The following FAT2 variants were observed in gnomAD, a reference collection of about 807,000 sequenced individuals.
The protein encoded by FAT2 is protocadherin Fat 2.
FAT2 carries 150 observed loss-of-function variants against 295.3 expected under a neutral mutation model. The ratio of observed to expected loss-of-function variants is 0.51; its 90% CI spans 0.44 to 0.58. The LOEUF is 0.58. Among genes scored for constraint, FAT2 ranks in the 20% least tolerant of loss-of-function variants. The probability of loss-of-function intolerance (pLI) is 0.00; values close to 1 mark genes in which losing one functional copy is unlikely to be tolerated. For missense variants in FAT2, 4,868 were observed against 5,442.7 expected, an observed-to-expected ratio of 0.89 and a Z score of 3.32; for synonymous variants, 2,026 against 2,150.3, an observed-to-expected ratio of 0.94 and a Z score of 1.60.
At chr5:151,529,156 G>T (rs750284541) in intron 15 of FAT2, 22 bp downstream of exon 15, 1 of 1,609,736 alleles carries the variant, frequency 6.2e-7, no homozygotes, top group Non-Finnish European at 8.5e-7. Flanking sequence ...GTCCCACAAA[G>T]AGCAAGGTGG....
chr5:151,557,963 C>T (rs1327719502), intron 3 of FAT2, among the ~76,000 whole-genome samples: 2 of 152,166 alleles, frequency 1.3e-5, no homozygotes, highest in Admixed American at 1.3e-4. Context: ...CCCACTAATC[C>T]CCTCTGTGCC....
intron 3 of FAT2, among the ~76,000 whole-genome samples, chr5:151,557,896 T>G (rs1757839665): frequency 6.6e-6 from 1 of 152,182 alleles, no homozygotes; most frequent in African/African-American, 2.4e-5. Context: ...AGCCTCTCCC[T>G]TCCCCTCCTA....
chr5:151,538,643 C>T (rs1581378838), intron 11 of FAT2, among the ~76,000 whole-genome samples: 1 of 152,162 alleles, frequency 6.6e-6, no homozygotes, highest in Non-Finnish European at 1.5e-5. Flanking sequence ...CAAGCATGGA[C>T]CCCTACATGC....
Position 151,568,336 on chromosome 5 carries a change from G to A in FAT2, c.596C>T (p.Thr199Ile), listed in dbSNP as rs2127649844. The change falls in exon 2 of 24, where the codon ACC (threonine) becomes ATC (isoleucine). Residue 199 changes from threonine to isoleucine, a missense_variant. Thr to Ile is a moderately conservative substitution (Grantham distance 89). Around this residue, in one of 5 missense-constraint regions of FAT2, gnomAD observed 3,297 missense variants for 3,669.4 expected, o/e 0.90. Coordinates refer to ENST00000261800, the MANE Select transcript of FAT2 (RefSeq NM_001447.3). ...TRSEMFAIHPTSGVVTVAGKL... is the reference protein window; with the variant it reads ...TRSEMFAIHPISGVVTVAGKL... ...CCCAGCCACAGTGACCACACCGCTG[G>A]TGGGATGGATGGCAAACATCTCTGA... 4 of 1,614,134 alleles carry A rather than the reference G, an allele frequency of 2.5e-6. No individual in the cohort carries two copies. Among genetic ancestry groups the A allele is most frequent in the Non-Finnish European group, 3.4e-6 (4 of 1,180,012 alleles).
chr5:151,551,336 A>C, intron 7 of FAT2, 131 bp downstream of exon 7: 13 of 958,674 alleles, frequency 1.4e-5, no homozygotes, highest in Non-Finnish European at 1.9e-5. Flanking sequence ...TGTATTAGAC[A>C]AGAACTTTGA....
In FAT2 at chr5:151,521,461, T is replaced by G; in HGVS notation, c.11132A>C (p.Glu3711Ala). 1 of 1,614,204 alleles carries G rather than the reference T, an allele frequency of 6.2e-7. No individual in the cohort carries two copies. The highest frequency in any genetic ancestry group is 8.5e-7 in the Non-Finnish European group (1 of 1,180,038). ...CCGCATCTGAACCCCCACTGAATGC[T>G]CCATCTCCTTGGCTGAGTGAGTGAT... ...SIITHSAKEM[E>A]HSVGVQMRSA... The change falls in exon 19 of 24, where the codon GAG becomes GCG. Residue 3711 changes from glutamate (E) to alanine (A), a missense_variant. This residue lies in a region of FAT2 where 1,046 missense variants were observed against 1,210.1 expected (regional missense o/e 0.86). Coordinates refer to ENST00000261800, the MANE Select transcript of FAT2 (RefSeq NM_001447.3).
At position 151,521,728 on chromosome 5, in the gene FAT2, A is replaced by G. The variant is rs1753481239; in HGVS notation, c.10865T>C (p.Val3622Ala). The part of the protein sequence containing the change: ...TAGVHVYVWH[V>A]GQEALQQAMW... ...GGCCTGCTGCAGAGCCTCCTGCCCC[A>G]CATGCCACACGTACACATGGACCCC... Residue 3622 changes from valine to alanine, a missense_variant, in exon 19 of 24, where the codon GTG becomes GCG. Val to Ala is a moderately conservative substitution (Grantham distance 64). Coordinates refer to ENST00000261800, the MANE Select transcript of FAT2 (RefSeq NM_001447.3). 6.2e-7 allele frequency: 1 copy of G among 1,613,982 alleles called. No homozygotes were observed.
chr5:151,529,665 T>C (rs1172072548), intron 14 of FAT2, among the ~76,000 whole-genome samples: 1 of 152,250 alleles, frequency 6.6e-6, no homozygotes, highest in East Asian at 1.9e-4. Flanking sequence ...TGTGTGATGC[T>C]AAATTTATCT....
At chr5:151,532,013 C>T (rs778524054) in intron 13 of FAT2, 43 bp from the exon 14 acceptor site, 36 of 1,598,406 alleles carry the variant, frequency 2.3e-5, no homozygotes, top group Non-Finnish European at 2.7e-5. Flanking sequence ...GAGGGCGCCT[C>T]CTCTGGACCT....
Position 151,544,840 on chromosome 5 carries a change from T to G in FAT2, c.6287A>C (p.Asp2096Ala), listed in dbSNP as rs1036432661. The G allele has an allele frequency of 6.2e-7, 1 of 1,614,088 alleles. No individual in the cohort carries two copies. Among genetic ancestry groups the G allele is most frequent in the Non-Finnish European group, 8.5e-7 (1 of 1,180,032 alleles). ...AGCCCCATTTGTCCCCAAGTCCTCATCAGTGGCAGATACCTGAAAGAGGAC... is the reference window on the plus strand; with the variant it reads ...AGCCCCATTTGTCCCCAAGTCCTCAGCAGTGGCAGATACCTGAAAGAGGAC... ...GDVLFQVSAT[D>A]EDLGTNGAVT... The change falls in exon 10 of 24, where the codon GAT (aspartate) becomes GCT (alanine). Residue 2096 changes from aspartate to alanine, a missense_variant. Asp to Ala is a moderately radical substitution (Grantham distance 126). Transcript: ENST00000261800.
At position 151,549,424 on chromosome 5, in the gene FAT2, G is replaced by C. The variant is rs374336586; in HGVS notation, c.4660C>G (p.Arg1554Gly). ...HVEDGNLHPP[R>G]FTQLHYEASV... ...GCCTCATAATGGAGCTGAGTGAAGC[G>C]GGGTGGGTGGAGGTTTCCATCCTCC... The change falls in exon 9 of 24, where the codon CGC (arginine) becomes GGC (glycine). Residue 1554 changes from arginine to glycine, a missense_variant. Coordinates refer to ENST00000261800, the MANE Select transcript of FAT2 (RefSeq NM_001447.3). 2 of 1,614,138 alleles carry C rather than the reference G, an allele frequency of 1.2e-6. No individual in the cohort carries two copies. The highest frequency in any genetic ancestry group is 3.3e-5 in the Admixed American group (2 of 60,022).
chr5:151,513,414 T>C (rs1352355802), intron 20 of FAT2, among the ~76,000 whole-genome samples: 1 of 152,030 alleles, frequency 6.6e-6, no homozygotes, highest in Non-Finnish European at 1.5e-5. Context: ...CATTCAGCCA[T>C]AAAAAAGAAT....
intron 9 of FAT2, among the ~76,000 whole-genome samples, chr5:151,548,974 T>A (rs914438460): frequency 6.6e-6 from 1 of 152,230 alleles, no homozygotes; most frequent in Non-Finnish European, 1.5e-5. Flanking sequence ...CTAAGATACA[T>A]GCATGAAGTT....
At position 151,554,649 on chromosome 5, in the gene FAT2, G is replaced by A. The variant is rs2127631641; in HGVS notation, c.3658C>T (p.Pro1220Ser). 1 of 1,613,744 alleles carries A rather than the reference G, an allele frequency of 6.2e-7. No individual in the cohort carries two copies. Residue 1220 changes from proline to serine, a missense_variant, in exon 5 of 24, where the codon CCC becomes TCC. Transcript: ENST00000261800. ...LEVTVLDNGE[P>S]SLKSTSRVVV... ...ACCCTGGAGGTGGACTTCAGTGAGG[G>A]TTCCCCATTGTCCAGCACAGTCACC...
intron 8 of FAT2, among the ~76,000 whole-genome samples, chr5:151,549,928 A>T (rs1441613571): frequency 6.6e-6 from 1 of 152,240 alleles, no homozygotes; most frequent in African/African-American, 2.4e-5. Flanking sequence ...AATACGTATT[A>T]TATGCCCAGA....
rs1420482975 is a variant in FAT2 at position 151,583,823 on chromosome 5, C to A, written c.-21+7342G>T. Among the ~76,000 whole-genome samples the A allele has an allele frequency of 2.6e-5, 4 of 151,688 alleles. No homozygotes were observed. The South Asian group carries it at 6.2e-4, about 24-fold the overall frequency. ...GACCAGCCTGGCCAACATGGGGAAA[C>A]CCCATCTCTAGTAAAAATAAAAAAA... On this transcript the variant is annotated intron_variant, in intron 1 of 23. Transcript: ENST00000261800.
rs574970741 is a variant in FAT2, at chr5:151,587,072, G to A, written c.-21+4093C>T. On this transcript the variant is annotated intron_variant, in intron 1 of 23. Coordinates refer to ENST00000261800, the MANE Select transcript of FAT2 (RefSeq NM_001447.3). Reference sequence around the variant, plus strand: ...CATGAGAATCACTTGAGCCCAGGAGGTGGAGGTTGCAGTAAGCCAAGATCA... The same window carrying A: ...CATGAGAATCACTTGAGCCCAGGAGATGGAGGTTGCAGTAAGCCAAGATCA... 3.3e-5 allele frequency among the ~76,000 whole-genome samples: 5 copies of A among 152,070 alleles called. No individual in the cohort carries two copies. The South Asian group carries it at 1.0e-3, about 32-fold the overall frequency.
At chr5:151,581,304 G>A (rs1298967705) in intron 1 of FAT2, among the ~76,000 whole-genome samples, 2 of 152,194 alleles carry the variant, frequency 1.3e-5, no homozygotes, top group Non-Finnish European at 2.9e-5. Flanking sequence ...GCCCCCTTGA[G>A]GTAGCTGCTG....
chr5:151,514,723 C>T (rs1752669357), intron 20 of FAT2, among the ~76,000 whole-genome samples: 1 of 152,206 alleles, frequency 6.6e-6, no homozygotes, highest in Admixed American at 6.5e-5. Context: ...CTGATCATCT[C>T]ACATCCTACT....
Sources: gnomAD v4.1 joint callset for allele counts (sites outside exome capture counted in the v4.1 genomes callset) on GRCh38, gnomAD v4.1.1 for gene constraint, gnomAD v4.1.1 regional missense constraint, MANE v1.5 for transcripts, NCBI Gene and HGNC (gene_info 2026-07-23, HGNC 2026-07-21) for gene names.